PRKCA: variants seen among roughly 807,000 people sequenced by gnomAD.
The protein encoded by PRKCA is protein kinase C alpha type.
PRKCA carries 27 observed loss-of-function variants against 87.0 expected under a neutral mutation model. That is an observed-to-expected ratio of 0.31 (90% CI 0.23 to 0.43). The LOEUF is 0.43. Among genes scored for constraint, PRKCA ranks in the 20% least tolerant of loss-of-function variants. The probability of loss-of-function intolerance (pLI) is 1.00; values close to 1 mark genes in which losing one functional copy is unlikely to be tolerated. For synonymous variants in PRKCA, 329 were observed against 311.1 expected (o/e 1.06, Z -0.61); for missense variants, 518 against 852.3 (o/e 0.61, Z 4.88).
intron 3 of PRKCA, among the ~76,000 whole-genome samples, chr17:66,606,082 A>C (rs551332180): frequency 6.6e-6 from 1 of 152,170 alleles, no homozygotes; most frequent in East Asian, 1.9e-4. Context: ...TGTATCTCAA[A>C]GCTGTATATA....
rs994755466 is a variant in PRKCA at position 66,484,294 on chromosome 17, A to G, written c.206-11907A>G. ...ATTTGGGTGGAGACACAGCCAAACC[A>G]TATCACAGTTCAACCCCTAAGAGTG... is the stretch of plus-strand genomic sequence containing the variant. On this transcript the variant is annotated intron_variant, in intron 2 of 16. Transcript: ENST00000413366. Among the ~76,000 whole-genome samples, 7 of 152,336 alleles carry G rather than the reference A, an allele frequency of 4.6e-5. No individual in the cohort carries two copies. In the South Asian group the frequency reaches 1.0e-3, roughly 23 times the overall value.
At chr17:66,630,458 A>G (rs1216951111) in intron 3 of PRKCA, among the ~76,000 whole-genome samples, 1 of 152,166 alleles carries the variant, frequency 6.6e-6, no homozygotes, top group African/African-American at 2.4e-5. Flanking sequence ...TCCCCAACCT[A>G]GGGTCAGTCT....
intron 2 of PRKCA, among the ~76,000 whole-genome samples, chr17:66,307,676 C>T (rs191363706): frequency 5.9e-5 from 9 of 152,100 alleles, no homozygotes; most frequent in Admixed American, 2.0e-4. Flanking sequence ...TCACAGTGGC[C>T]GTATTACTAG....
chr17:66,393,918 C>T (rs1278195385), intron 2 of PRKCA, among the ~76,000 whole-genome samples: 1 of 151,958 alleles, frequency 6.6e-6, no homozygotes, highest in Non-Finnish European at 1.5e-5. Context: ...TACTAAAAAT[C>T]CAAAAATTGG....
chr17:66,442,565 C>T (rs1451090758), intron 2 of PRKCA, among the ~76,000 whole-genome samples: 9 of 152,126 alleles, frequency 5.9e-5, no homozygotes, highest in Admixed American at 5.9e-4. Context: ...CCTACAAGGC[C>T]CTGTATCATC....
chr17:66,730,558 A>T (rs549227794), intron 8 of PRKCA, among the ~76,000 whole-genome samples: 54 of 152,346 alleles, frequency 3.5e-4, no homozygotes, highest in African/African-American at 1.3e-3. Context: ...GGTAACTTCC[A>T]CATATTGCCA....
At chr17:66,421,702 T>C (rs1359644100) in intron 2 of PRKCA, among the ~76,000 whole-genome samples, 1 of 150,142 alleles carries the variant, frequency 6.7e-6, no homozygotes, top group Non-Finnish European at 1.5e-5. Context: ...CTGGCTAATT[T>C]TTTTTTTTTT....
chr17:66,371,625 TATA>T (rs1286044976), intron 2 of PRKCA, among the ~76,000 whole-genome samples: 2 of 152,240 alleles, frequency 1.3e-5, no homozygotes, highest in Non-Finnish European at 2.9e-5. Flanking sequence ...ACTGGATGGC[TATA>T]AGATTGAAAT....
At chr17:66,724,296 A>AG (rs71367179) in intron 8 of PRKCA, among the ~76,000 whole-genome samples, 14 of 69,164 alleles carry the variant, frequency 2.0e-4, no homozygotes, top group African/African-American at 1.1e-3. Context: ...ACTCCATCTC[A>AG]AAAAAAAAAA....
At chr17:66,330,348 C>A (rs549414835) in intron 2 of PRKCA, among the ~76,000 whole-genome samples, 26 of 152,026 alleles carry the variant, frequency 1.7e-4, no homozygotes, top group Non-Finnish European at 2.5e-4. Flanking sequence ...CTCAGGTGAT[C>A]CCCCTGCCTC....
At chr17:66,798,453 C>T (rs12939568) in intron 16 of PRKCA, among the ~76,000 whole-genome samples, 89 of 8,692 alleles carry the variant, frequency 0.01, 1 homozygote, top group East Asian at 0.017. Flanking sequence ...GTGGTGGTGA[C>T]GGTGGTGGTG....
At chr17:66,455,314 A>G (rs1190314642) in intron 2 of PRKCA, among the ~76,000 whole-genome samples, 1 of 152,174 alleles carries the variant, frequency 6.6e-6, no homozygotes, top group Non-Finnish European at 1.5e-5. Flanking sequence ...GCTTGAAAAA[A>G]TAAAGGGCCT....
At chr17:66,669,146 G>A (rs1175598564) in intron 5 of PRKCA, among the ~76,000 whole-genome samples, 1 of 151,794 alleles carries the variant, frequency 6.6e-6, no homozygotes, top group Admixed American at 6.6e-5. Flanking sequence ...GGAACATAAT[G>A]CCATTTGAAC....
chr17:66,791,502 C>T (rs879782080), intron 16 of PRKCA, among the ~76,000 whole-genome samples: 44 of 152,176 alleles, frequency 2.9e-4, no homozygotes, highest in African/African-American at 7.5e-4. Context: ...TGTTCAAAAG[C>T]GGAGAGCGTC....
chr17:66,617,333 C>A (rs937389684), intron 3 of PRKCA, among the ~76,000 whole-genome samples: 1 of 152,034 alleles, frequency 6.6e-6, no homozygotes, highest in African/African-American at 2.4e-5. Flanking sequence ...GGTTTGAAGC[C>A]TCACTTTATT....
At chr17:66,645,060 T>C (rs1971415361) in intron 4 of PRKCA, among the ~76,000 whole-genome samples, 2 of 152,196 alleles carry the variant, frequency 1.3e-5, no homozygotes, top group African/African-American at 4.8e-5. Flanking sequence ...AAATATGAAT[T>C]AGGCTGAGCT....
chr17:66,751,931 T>C (rs1974439061), intron 13 of PRKCA, among the ~76,000 whole-genome samples: 2 of 152,210 alleles, frequency 1.3e-5, no homozygotes, highest in South Asian at 4.1e-4. Context: ...GCCACGAGAA[T>C]AGCACTAGGC....
chr17:66,480,538 T>C (rs1915734367), intron 2 of PRKCA, among the ~76,000 whole-genome samples: 1 of 152,218 alleles, frequency 6.6e-6, no homozygotes, highest in African/African-American at 2.4e-5. Flanking sequence ...AGTTTCCGCA[T>C]GTATTTGTCT....
chr17:66,516,623 A>T (rs1016727784), intron 3 of PRKCA, among the ~76,000 whole-genome samples: 1 of 150,556 alleles, frequency 6.6e-6, no homozygotes, highest in African/African-American at 2.5e-5. Flanking sequence ...ACAGAGCAAG[A>T]CTCTGTCTAA....
Sources: allele counts gnomAD v4.1 joint callset (sites outside exome capture counted in the v4.1 genomes callset), GRCh38; gene constraint gnomAD v4.1.1; transcripts MANE v1.5; gene names NCBI Gene and HGNC (gene_info 2026-07-23, HGNC 2026-07-21).